Variants in MALRD1 observed in about 807,000 individuals in gnomAD.
MALRD1 encodes the protein MAM and LDL-receptor class A domain-containing protein 1.
Under a neutral mutation model 242.1 loss-of-function variants are expected in MALRD1, and 247 were observed. That is an observed-to-expected ratio of 1.02 (90% CI 0.92 to 1.13). MALRD1 has a LOEUF of 1.13. Ranked by LOEUF, MALRD1 falls within the 50% of genes most tolerant of loss-of-function variation. MALRD1 has a pLI of 0.00. For synonymous variants in MALRD1, 995 were observed against 866.6 expected (o/e 1.15, Z -2.60); for missense variants, 2,989 against 2,533.1 (o/e 1.18, Z -3.86).
intron 26 of MALRD1, among the ~76,000 whole-genome samples, chr10:19,366,350 G>A (rs1416150879): frequency 1.3e-5 from 2 of 152,034 alleles, no homozygotes; most frequent in African/African-American, 4.8e-5. Flanking sequence ...CCTATGAGAA[G>A]CTAGCGCTGC....
At chr10:19,061,828 A>G (rs1834831255) in intron 1 of MALRD1, among the ~76,000 whole-genome samples, 1 of 152,214 alleles carries the variant, frequency 6.6e-6, no homozygotes, top group Non-Finnish European at 1.5e-5. Context: ...CTAAAACTGT[A>G]AAACTTAGTA....
At chr10:19,381,446 G>A (rs561132808) in intron 26 of MALRD1, among the ~76,000 whole-genome samples, 19 of 152,110 alleles carry the variant, frequency 1.2e-4, no homozygotes, top group Non-Finnish European at 1.9e-4. Context: ...CTGAAGGCAC[G>A]TTAGCCAAAT....
At chr10:19,606,790 A>G (rs1377042913) in intron 34 of MALRD1, among the ~76,000 whole-genome samples, 1 of 152,068 alleles carries the variant, frequency 6.6e-6, no homozygotes, top group Non-Finnish European at 1.5e-5. Flanking sequence ...TAACAGAGGA[A>G]CCATATTTCA....
At chr10:19,666,719 A>C (rs1841698213) in intron 36 of MALRD1, among the ~76,000 whole-genome samples, 1 of 152,174 alleles carries the variant, frequency 6.6e-6, no homozygotes, top group African/African-American at 2.4e-5. Flanking sequence ...GTAGATGGAG[A>C]AAATTTTAAA....
chr10:19,162,487 C>G (rs1184933595), intron 12 of MALRD1, among the ~76,000 whole-genome samples: 1 of 152,110 alleles, frequency 6.6e-6, no homozygotes, highest in East Asian at 1.9e-4. Flanking sequence ...TAGTGTTCTG[C>G]TACTGGCATG....
chr10:19,210,868 C>G (rs1837019593), intron 18 of MALRD1, among the ~76,000 whole-genome samples: 1 of 152,038 alleles, frequency 6.6e-6, no homozygotes, highest in African/African-American at 2.4e-5. Context: ...AATGAATCCC[C>G]CATTTATAGT....
intron 26 of MALRD1, among the ~76,000 whole-genome samples, chr10:19,377,970 T>A (rs1202462335): frequency 3.3e-5 from 5 of 152,170 alleles, no homozygotes; most frequent in Non-Finnish European, 7.4e-5. Context: ...TTTCACCATT[T>A]TTGTCAATCA....
At chr10:19,105,109 A>G (rs1445639457) in intron 5 of MALRD1, among the ~76,000 whole-genome samples, 1 of 152,040 alleles carries the variant, frequency 6.6e-6, no homozygotes, top group African/African-American at 2.4e-5. Context: ...ACCAGAATTT[A>G]TTCCTCCAAT....
At chr10:19,190,825 A>T (rs1324801006) in intron 14 of MALRD1, among the ~76,000 whole-genome samples, 1 of 152,140 alleles carries the variant, frequency 6.6e-6, no homozygotes, top group Non-Finnish European at 1.5e-5. Flanking sequence ...TCCATAAACT[A>T]AATATAAGAC....
At chr10:19,315,558 T>TAACTATA (rs1842649131) in intron 21 of MALRD1, among the ~76,000 whole-genome samples, 2 of 52,850 alleles carry the variant, frequency 3.8e-5, no homozygotes, top group Non-Finnish European at 6.4e-5. Context: ...ATATAAATAT[T>TAACTATA]ATTTATATAA....
At chr10:19,127,302 A>T (rs775762915) in intron 7 of MALRD1, among the ~76,000 whole-genome samples, 1 of 152,152 alleles carries the variant, frequency 6.6e-6, no homozygotes, top group Non-Finnish European at 1.5e-5. Context: ...TTTTTTGTTG[A>T]AAGTCAGGCA....
chr10:19,685,742 G>T (rs183402781), intron 36 of MALRD1, among the ~76,000 whole-genome samples: 68 of 152,288 alleles, frequency 4.5e-4, no homozygotes, highest in African/African-American at 1.6e-3. Context: ...CCTTAAGAAA[G>T]CTGGATGCTT....
At chr10:19,244,728 CT>C (rs1376465706) in intron 18 of MALRD1, among the ~76,000 whole-genome samples, 1 of 152,184 alleles carries the variant, frequency 6.6e-6, no homozygotes. Context: ...AAAAACCAAG[CT>C]ATTTAATACG....
At chr10:19,223,614 G>A (rs1282984022) in intron 18 of MALRD1, among the ~76,000 whole-genome samples, 1 of 152,032 alleles carries the variant, frequency 6.6e-6, no homozygotes, top group Non-Finnish European at 1.5e-5. Flanking sequence ...TTGTGAAATA[G>A]GTATACATGT....
rs113756414 is a variant in MALRD1 at position 19,729,592 on chromosome 10, C to CGTGTGTGTGTGT, written c.6315-1103_6315-1092dup. 4.1e-3 allele frequency among the ~76,000 whole-genome samples: 595 copies of CGTGTGTGTGTGT among 144,310 alleles called. 4 individuals are homozygous for CGTGTGTGTGTGT. The highest frequency in any genetic ancestry group is 0.014 in the African/African-American group (552 of 39,260). 94.7% of individuals were successfully genotyped at this position (144,310 alleles called of 152,430 possible). ...TACACATGTGTGTATAGGATCCTTTCGTGTGTGTGTGTGTGTGTGTGTATT... is the reference window on the plus strand; with the variant it reads ...TACACATGTGTGTATAGGATCCTTTCGTGTGTGTGTGTGTGTGTGTGTGTGTGTGTGTGTATT... On this transcript the variant is annotated intron_variant, in intron 38 of 39. Coordinates refer to ENST00000454679, the MANE Select transcript of MALRD1 (RefSeq NM_001142308.3).
intron 32 of MALRD1, among the ~76,000 whole-genome samples, chr10:19,534,802 T>G (rs1370751715): frequency 2.6e-5 from 4 of 152,102 alleles, no homozygotes; most frequent in Non-Finnish European, 5.9e-5. Context: ...TACTAAAATA[T>G]TTTATATCTA....
In MALRD1 at chr10:19,507,169, C is replaced by T. The variant is rs145085046; in HGVS notation, c.5320+8523C>T. 5.2e-3 allele frequency among the ~76,000 whole-genome samples: 794 copies of T among 152,104 alleles called. 4 individuals carry two copies. Among genetic ancestry groups the T allele is most frequent in the Middle Eastern group, 0.034 (10 of 292 alleles). On this transcript the variant is annotated intron_variant, in intron 31 of 39. Coordinates refer to ENST00000454679, the MANE Select transcript of MALRD1 (RefSeq NM_001142308.3). Reference sequence around the variant, plus strand: ...ACCGAGCCATAAGGGAGGGATCTTCCGCCATGATCCAGTCACCTCTCACCA... The same window carrying T: ...ACCGAGCCATAAGGGAGGGATCTTCTGCCATGATCCAGTCACCTCTCACCA...
intron 11 of MALRD1, among the ~76,000 whole-genome samples, chr10:19,152,746 T>A (rs547342490): frequency 1.4e-5 from 2 of 147,180 alleles, no homozygotes; most frequent in African/African-American, 5.4e-5. Flanking sequence ...TTTCTATTTT[T>A]ACAATTATAT....
At chr10:19,566,984 T>C (rs1469726263) in intron 32 of MALRD1, among the ~76,000 whole-genome samples, 2 of 152,162 alleles carry the variant, frequency 1.3e-5, no homozygotes, top group Non-Finnish European at 2.9e-5. Flanking sequence ...TGTTAGTCAC[T>C]GAACTATTAA....
Sources: gnomAD v4.1 joint callset for allele counts (sites outside exome capture counted in the v4.1 genomes callset) on GRCh38, gnomAD v4.1.1 for gene constraint, MANE v1.5 for transcripts, NCBI Gene and HGNC (gene_info 2026-07-23, HGNC 2026-07-21) for gene names.